Variants in NRXN3 observed in about 807,000 individuals in gnomAD.
The protein encoded by NRXN3 is neurexin 3.
In NRXN3, 32 loss-of-function variants were observed where a neutral mutation model predicts 137.6. That is an observed-to-expected ratio of 0.23 (90% CI 0.18 to 0.31). The LOEUF (loss-of-function observed/expected upper bound fraction) is 0.31. Ranked by LOEUF, NRXN3 falls within the 10% of genes least tolerant of loss-of-function variation. The pLI, the probability that NRXN3 is intolerant of heterozygous loss-of-function variation, is 1.00. For synonymous variants in NRXN3, 798 were observed against 784.5 expected, an observed-to-expected ratio of 1.02 and a Z score of -0.29; for missense variants, 1,574 against 2,062.5, an observed-to-expected ratio of 0.76 and a Z score of 4.59.
intron 15 of NRXN3, among the ~76,000 whole-genome samples, chr14:79,341,473 C>T (rs952581749): frequency 5.3e-5 from 8 of 152,182 alleles, no homozygotes; most frequent in Admixed American, 5.2e-4. Context: ...TCTCAGGCCC[C>T]ACTTCAGACC....
Position 78,494,405 on chromosome 14 carries a change from G to T in NRXN3, c.758-150715G>T, listed in dbSNP as rs907260807. Among the ~76,000 whole-genome samples, 28 of 146,680 alleles carry T rather than the reference G, an allele frequency of 1.9e-4. No homozygotes were observed. In the East Asian group the frequency reaches 5.0e-3, roughly 26 times the overall value. On this transcript the variant is annotated intron_variant, in intron 4 of 20. Coordinates refer to ENST00000335750, the MANE Select transcript of NRXN3 (RefSeq NM_001330195.2). ...GGGAGTAAGACCTCATGGCTTGAAA[G>T]AATCCTACCAGAGGTGTTTTGTTTT...
At chr14:78,543,793 C>T (rs1375373931) in intron 4 of NRXN3, among the ~76,000 whole-genome samples, 3 of 152,032 alleles carry the variant, frequency 2.0e-5, no homozygotes, top group African/African-American at 7.2e-5. Flanking sequence ...TAATCCTAGC[C>T]TAGTTTCCTT....
intron 10 of NRXN3, among the ~76,000 whole-genome samples, chr14:78,820,091 G>A (rs1021727332): frequency 1.3e-5 from 2 of 152,012 alleles, no homozygotes; most frequent in African/African-American, 4.8e-5. Context: ...CCTCTATGCG[G>A]TGTAGGATGT....
intron 15 of NRXN3, among the ~76,000 whole-genome samples, chr14:79,241,900 C>G (rs2074362033): frequency 6.6e-6 from 1 of 152,006 alleles, no homozygotes; most frequent in South Asian, 2.1e-4. Flanking sequence ...AACCTCATCT[C>G]TACTAAAAAT....
intron 15 of NRXN3, among the ~76,000 whole-genome samples, chr14:79,209,077 T>G (rs997605893): frequency 2.9e-4 from 43 of 149,318 alleles, no homozygotes; most frequent in African/African-American, 9.9e-4. Context: ...TAGCTGGGAC[T>G]ATAGGCACGT....
intron 16 of NRXN3, among the ~76,000 whole-genome samples, chr14:79,512,769 C>T (rs1466893232): frequency 6.6e-6 from 1 of 152,166 alleles, no homozygotes; most frequent in East Asian, 1.9e-4. Context: ...TTTATTACCA[C>T]CATTATACCT....
intron 10 of NRXN3, among the ~76,000 whole-genome samples, chr14:78,878,511 G>A (rs1030835952): frequency 1.3e-5 from 2 of 151,956 alleles, no homozygotes; most frequent in African/African-American, 2.4e-5. Context: ...TTTTTCTATT[G>A]TACAAACCAA....
chr14:79,269,331 G>T (rs1266400927), intron 15 of NRXN3, among the ~76,000 whole-genome samples: 1 of 152,228 alleles, frequency 6.6e-6, no homozygotes, highest in Non-Finnish European at 1.5e-5. Flanking sequence ...TTACAGGAGT[G>T]AGCCACCGCA....
chr14:78,643,773 C>A (rs939431017), intron 4 of NRXN3, among the ~76,000 whole-genome samples: 1 of 152,138 alleles, frequency 6.6e-6, no homozygotes, highest in Non-Finnish European at 1.5e-5. Flanking sequence ...AATGGAGAAG[C>A]CTTATCCACA....
In NRXN3 at chr14:79,787,518, T is replaced by C. The variant is rs117510710; in HGVS notation, c.4015-17594T>C. 2.3e-3 allele frequency among the ~76,000 whole-genome samples: 348 copies of C among 152,336 alleles called. 10 individuals are homozygous for C. In the East Asian group the frequency reaches 0.044, roughly 19 times the overall value. The stretch of plus-strand genomic sequence containing the variant: ...TCTACTTCTCCTGTCTGAAACTTTG[T>C]AGTCTTCAACCAACATCTCCTCATT... On this transcript the variant is annotated intron_variant, in intron 19 of 20. Coordinates refer to ENST00000335750, the MANE Select transcript of NRXN3 (RefSeq NM_001330195.2).
At chr14:79,058,618 C>T (rs1441879280) in intron 15 of NRXN3, among the ~76,000 whole-genome samples, 2 of 152,298 alleles carry the variant, frequency 1.3e-5, no homozygotes, top group East Asian at 1.9e-4. Context: ...AAGCTAGTCC[C>T]TATGCTGTTG....
At chr14:78,666,629 A>G (rs2097889054) in intron 6 of NRXN3, among the ~76,000 whole-genome samples, 1 of 152,132 alleles carries the variant, frequency 6.6e-6, no homozygotes, top group Non-Finnish European at 1.5e-5. Context: ...AATCAAACAC[A>G]AAATTCCCTT....
At chr14:79,377,643 C>T (rs1232393572) in intron 15 of NRXN3, among the ~76,000 whole-genome samples, 1 of 152,106 alleles carries the variant, frequency 6.6e-6, no homozygotes, top group African/African-American at 2.4e-5. Flanking sequence ...GTAATCCCAG[C>T]TACTCAGGAG....
intron 16 of NRXN3, among the ~76,000 whole-genome samples, chr14:79,471,795 G>A (rs1233141244): frequency 6.6e-6 from 1 of 152,120 alleles, no homozygotes; most frequent in Non-Finnish European, 1.5e-5. Context: ...TGAAGAAAGG[G>A]TCACCAAGAC....
At chr14:78,477,709 A>G (rs932268806) in intron 4 of NRXN3, among the ~76,000 whole-genome samples, 1 of 152,214 alleles carries the variant, frequency 6.6e-6, no homozygotes, top group African/African-American at 2.4e-5. Context: ...AAAATGTTTG[A>G]ATATATCTGA....
intron 15 of NRXN3, among the ~76,000 whole-genome samples, chr14:79,273,104 G>A (rs1032262503): frequency 3.3e-5 from 5 of 149,400 alleles, no homozygotes; most frequent in African/African-American, 7.4e-5. Context: ...CCTGGGAGGC[G>A]GAGATTGCAG....
intron 19 of NRXN3, among the ~76,000 whole-genome samples, chr14:79,745,812 G>A (rs1874962988): frequency 6.6e-6 from 1 of 151,962 alleles, no homozygotes; most frequent in Non-Finnish European, 1.5e-5. Flanking sequence ...GGTTTGCCCA[G>A]CAATCTTTGG....
At chr14:79,010,561 T>G (rs1008268068) in intron 15 of NRXN3, among the ~76,000 whole-genome samples, 2 of 152,202 alleles carry the variant, frequency 1.3e-5, no homozygotes, top group Non-Finnish European at 2.9e-5. Flanking sequence ...CCTAGTGGAA[T>G]TCTATTTCAT....
At chr14:78,647,878 A>G (rs1386776048) in intron 5 of NRXN3, among the ~76,000 whole-genome samples, 1 of 152,210 alleles carries the variant, frequency 6.6e-6, no homozygotes, top group Non-Finnish European at 1.5e-5. Flanking sequence ...TGTCTATTTC[A>G]ATTAAACTAT....
Sources: gnomAD v4.1 joint callset for allele counts (sites outside exome capture counted in the v4.1 genomes callset) on GRCh38, gnomAD v4.1.1 for gene constraint, MANE v1.5 for transcripts, NCBI Gene and HGNC (gene_info 2026-07-23, HGNC 2026-07-21) for gene names.